Variants in COL28A1 observed in about 807,000 individuals in gnomAD.
The protein encoded by COL28A1 is collagen alpha-1(XXVIII) chain.
A neutral mutation model predicts 150.2 loss-of-function variants in COL28A1; 161 were observed. That is an observed-to-expected ratio of 1.07 (90% CI 0.94 to 1.22). The LOEUF is 1.22. Among genes scored for constraint, COL28A1 ranks in the 50% most tolerant of loss-of-function variants. COL28A1 has a pLI of 0.00. For synonymous variants in COL28A1, 552 were observed against 469.7 expected, an observed-to-expected ratio of 1.18 and a Z score of -2.26; for missense variants, 1,617 against 1,388.3, an observed-to-expected ratio of 1.16 and a Z score of -2.62.
intron 30 of COL28A1, among the ~76,000 whole-genome samples, chr7:7,377,886 CAGA>C (rs1246497568): frequency 6.6e-6 from 1 of 150,704 alleles, no homozygotes; most frequent in African/African-American, 2.4e-5. Flanking sequence ...AGGGACATTC[CAGA>C]AGAAGAATGA....
In COL28A1 at chr7:7,417,858, C is replaced by CT. The variant is rs1405194113; in HGVS notation, c.2136dup (p.Gly713ArgfsTer37). 4 of 1,613,090 alleles carry CT rather than the reference C, an allele frequency of 2.5e-6. No homozygotes were observed. The highest frequency in any genetic ancestry group is 1.1e-5 in the South Asian group (1 of 90,962). ...ACTCCAGCACAACCCTATTCACTTA[C>CT]TTTAATTCCCTGTGATCCATAGCCA... On this transcript the variant is annotated frameshift_variant and splice_region_variant. Transcript: ENST00000399429. LOFTEE classifies it high-confidence loss of function.
chr7:7,433,783 C>T (rs891057090), intron 23 of COL28A1, among the ~76,000 whole-genome samples: 25 of 152,098 alleles, frequency 1.6e-4, no homozygotes, highest in Non-Finnish European at 2.9e-5. Context: ...CAATATGCAG[C>T]CCTTGTTTTG....
At chr7:7,492,609 AAAG>A (rs538308891) in intron 11 of COL28A1, among the ~76,000 whole-genome samples, 2,443 of 126,298 alleles carry the variant, frequency 0.019, 138 homozygotes, top group African/African-American at 0.062. Context: ...AAAAAAAAAA[AAAG>A]GTCTGTTGAC....
chr7:7,460,006 G>C (rs913805507), intron 15 of COL28A1, among the ~76,000 whole-genome samples: 6 of 152,164 alleles, frequency 3.9e-5, no homozygotes, highest in Non-Finnish European at 8.8e-5. Context: ...AACTCCATTT[G>C]TCCCAACTTC....
chr7:7,424,507 CAAAT>C (rs1784546523), intron 25 of COL28A1, among the ~76,000 whole-genome samples: 1 of 152,146 alleles, frequency 6.6e-6, no homozygotes, highest in African/African-American at 2.4e-5. Flanking sequence ...GCAATATTCA[CAAAT>C]AAAGGAATTA....
At chr7:7,345,879 A>G in the COL28A1 span, among the ~76,000 whole-genome samples, 2 of 151,858 alleles carry the variant, frequency 1.3e-5, no homozygotes, top group Non-Finnish European at 2.9e-5. Flanking sequence ...TGAGATTCTT[A>G]GCTCCTTGGT....
intron 9 of COL28A1, among the ~76,000 whole-genome samples, chr7:7,510,577 G>A (rs1027513332): frequency 1.1e-4 from 16 of 152,140 alleles, no homozygotes; most frequent in Non-Finnish European, 1.3e-4. Context: ...TAGCCACTGC[G>A]TTCAGCCTAT....
the COL28A1 span, among the ~76,000 whole-genome samples, chr7:7,343,298 T>C: frequency 3.3e-5 from 5 of 152,098 alleles, no homozygotes; most frequent in Non-Finnish European, 1.5e-5. Context: ...AAATTGTCTA[T>C]GCCTCATGCC....
At chr7:7,494,360 C>T (rs770482690) in intron 11 of COL28A1, among the ~76,000 whole-genome samples, 4 of 152,108 alleles carry the variant, frequency 2.6e-5, no homozygotes, top group Non-Finnish European at 5.9e-5. Flanking sequence ...CCTAGCCCTT[C>T]ATGCATGGAG....
intron 13 of COL28A1, among the ~76,000 whole-genome samples, chr7:7,480,942 C>T (rs551755106): frequency 9.1e-4 from 138 of 152,312 alleles, no homozygotes; most frequent in African/African-American, 3.1e-3. Context: ...TCTACCTCAA[C>T]CACAAGTGTT....
At chr7:7,476,268 A>C (rs1212111349) in intron 14 of COL28A1, among the ~76,000 whole-genome samples, 1 of 152,148 alleles carries the variant, frequency 6.6e-6, no homozygotes, top group African/African-American at 2.4e-5. Flanking sequence ...ATCTTTACGT[A>C]CTCTGAAATG....
At chr7:7,464,377 A>C (rs1175595560) in intron 15 of COL28A1, among the ~76,000 whole-genome samples, 2 of 152,240 alleles carry the variant, frequency 1.3e-5, no homozygotes, top group South Asian at 4.1e-4. Flanking sequence ...TCAACAGTGC[A>C]TGGTACCTTC....
intron 21 of COL28A1, among the ~76,000 whole-genome samples, chr7:7,439,242 C>G (rs992906843): frequency 6.6e-6 from 1 of 152,116 alleles, no homozygotes; most frequent in Non-Finnish European, 1.5e-5. Context: ...CCAATACAAC[C>G]AACAAGCTGA....
intron 15 of COL28A1, among the ~76,000 whole-genome samples, chr7:7,460,167 G>A (rs1407710986): frequency 1.3e-5 from 2 of 152,170 alleles, no homozygotes; most frequent in Non-Finnish European, 2.9e-5. Context: ...CTCTTCCTGA[G>A]TCACTGTAGG....
At chr7:7,364,543 G>C (rs944926900) in intron 33 of COL28A1, among the ~76,000 whole-genome samples, 1 of 152,044 alleles carries the variant, frequency 6.6e-6, no homozygotes, top group Non-Finnish European at 1.5e-5. Flanking sequence ...TTGTTCTTTC[G>C]TTAAGATGCT....
chr7:7,440,813 G>T lies in COL28A1; in HGVS notation c.1699C>A (p.Leu567Ile). ...ACCTTTGGTCCTTCGGGCCCTGGAA[G>T]TCCCCTCTGTCCTTGATTTCCTTTG... ...GSKGNQGQRG[L>I]PGPEGPKGEP... Residue 567 changes from leucine to isoleucine, a missense_variant, in exon 21 of 35, where the codon CTT (leucine) becomes ATT (isoleucine). Coordinates refer to ENST00000399429, the MANE Select transcript of COL28A1 (RefSeq NM_001037763.3). The T allele has an allele frequency of 3.3e-6, 5 of 1,524,516 alleles. No homozygotes were observed. Among genetic ancestry groups the T allele is most frequent in the Non-Finnish European group, 9.1e-7 (1 of 1,099,634 alleles). The allele number at this position is 1,524,516 out of a possible 1,614,324, so 94.4% of individuals were successfully genotyped here. A position where few individuals can be genotyped will look rare whatever the true frequency, so the allele number is the denominator to read the frequency against.
Position 7,520,046 on chromosome 7 carries a change from C to T in COL28A1, c.813+16G>A. 1.7e-6 allele frequency: 2 copies of T among 1,197,896 alleles called. No homozygotes were observed. Among genetic ancestry groups the T allele is most frequent in the Non-Finnish European group, 2.5e-6 (2 of 804,556 alleles). The allele number at this position is 1,197,896 out of a possible 1,614,324, so 74.2% of individuals were successfully genotyped here. ...GGAGATACGCTGGTTTAAAGAAAAG[C>T]TGTTTATTCATTTACCGGGTTTCCT... On this transcript the variant is annotated intron_variant, in intron 6 of 34. Transcript: ENST00000399429.
At chr7:7,459,491 CTAATA>C (rs1787433439) in intron 15 of COL28A1, among the ~76,000 whole-genome samples, 1 of 152,268 alleles carries the variant, frequency 6.6e-6, no homozygotes, top group Non-Finnish European at 1.5e-5. Context: ...AATTGTTATC[CTAATA>C]TAATATACAA....
intron 27 of COL28A1, among the ~76,000 whole-genome samples, chr7:7,396,110 C>A (rs952004495): frequency 3.3e-5 from 5 of 152,130 alleles, no homozygotes; most frequent in African/African-American, 9.7e-5. Flanking sequence ...TTCTCATTAG[C>A]CTTTCTAGTA....
Sources: gnomAD v4.1 joint callset for allele counts (sites outside exome capture counted in the v4.1 genomes callset) on GRCh38, gnomAD v4.1.1 for gene constraint, MANE v1.5 for transcripts, NCBI Gene and HGNC (gene_info 2026-07-23, HGNC 2026-07-21) for gene names.